The following LRRTM3 variants were observed in gnomAD, a reference collection of about 807,000 sequenced individuals.
The protein encoded by LRRTM3 is leucine-rich repeat transmembrane neuronal protein 3.
LRRTM3 carries 24 observed loss-of-function variants against 44.7 expected under a neutral mutation model. The observed-to-expected ratio is 0.54, with a 90% CI of 0.39 to 0.76. The LOEUF is 0.76. Ranked by LOEUF, LRRTM3 falls within the 30% of genes least tolerant of loss-of-function variation. The pLI is 0.00. For missense variants in LRRTM3, 587 were observed against 702.2 expected (o/e 0.84, Z 1.85); for synonymous variants, 277 against 278.7 (o/e 0.99, Z 0.06).
At chr10:66,979,108 G>A (rs1264648261) in intron 2 of LRRTM3, among the ~76,000 whole-genome samples, 1 of 151,614 alleles carries the variant, frequency 6.6e-6, no homozygotes, top group East Asian at 1.9e-4. Context: ...GGGATTACAG[G>A]CACCCACCAC....
intron 2 of LRRTM3, among the ~76,000 whole-genome samples, chr10:66,961,541 T>C (rs1212263604): frequency 6.6e-6 from 1 of 152,116 alleles, no homozygotes; most frequent in African/African-American, 2.4e-5. Flanking sequence ...CTCTTAATGT[T>C]GGGGTGTCCC....
chr10:66,945,420 C>A (rs1212195584), intron 2 of LRRTM3, among the ~76,000 whole-genome samples: 1 of 152,196 alleles, frequency 6.6e-6, no homozygotes, highest in African/African-American at 2.4e-5. Context: ...TTCCTCCCTT[C>A]TTTCAGCCTT....
At chr10:67,007,933 C>A (rs1296017849) in intron 2 of LRRTM3, among the ~76,000 whole-genome samples, 1 of 151,868 alleles carries the variant, frequency 6.6e-6, no homozygotes, top group Non-Finnish European at 1.5e-5. Flanking sequence ...AACTGAAGAT[C>A]AGTTTTGTTA....
chr10:67,043,138 T>C (rs1291816651), intron 2 of LRRTM3, among the ~76,000 whole-genome samples: 4 of 141,080 alleles, frequency 2.8e-5, no homozygotes, highest in East Asian at 2.0e-4. Flanking sequence ...TTTCTTTCTT[T>C]TTTTTTTTTT....
rs118104093 is a variant in LRRTM3, at chr10:67,057,635, C to T, written c.1537-39952C>T. On this transcript the variant is annotated intron_variant, in intron 2 of 2. Transcript: ENST00000361320. ...GACTGAGAATACTGACCCAGCAACACGAGGTTGGTTTACTTCAAGAAGCAC... is the reference window on the plus strand; with the variant it reads ...GACTGAGAATACTGACCCAGCAACATGAGGTTGGTTTACTTCAAGAAGCAC... 2.4e-4 allele frequency among the ~76,000 whole-genome samples: 37 copies of T among 152,210 alleles called. No homozygotes were observed. The East Asian group carries it at 7.0e-3, about 29-fold the overall frequency.
chr10:67,057,344 T>A (rs927050454), intron 2 of LRRTM3, among the ~76,000 whole-genome samples: 11 of 152,260 alleles, frequency 7.2e-5, no homozygotes, highest in Admixed American at 6.5e-4. Context: ...TTATTAACTA[T>A]AGTCACCATG....
At chr10:67,055,752 G>A (rs1295704165) in intron 2 of LRRTM3, among the ~76,000 whole-genome samples, 1 of 152,076 alleles carries the variant, frequency 6.6e-6, no homozygotes, top group East Asian at 1.9e-4. Flanking sequence ...GTGGGCAGAG[G>A]ATGAAAGATG....
intron 2 of LRRTM3, among the ~76,000 whole-genome samples, chr10:67,083,528 A>G (rs1050166444): frequency 5.3e-5 from 8 of 152,140 alleles, no homozygotes; most frequent in African/African-American, 1.9e-4. Context: ...ACTACATTTG[A>G]GTTATATGTG....
chr10:67,100,828 A>G lies in LRRTM3; in HGVS notation c.*3032A>G, dbSNP rs943700884. On this transcript the variant is annotated 3_prime_UTR_variant, in exon 3 of 3. Transcript: ENST00000361320. ...AGAAATTGAGCTCTTACCCCAAAAC[A>G]CAGGGCCAATAATTGGTGCAGTTGA... is the stretch of plus-strand genomic sequence containing the variant. Among the ~76,000 whole-genome samples the G allele has an allele frequency of 7.9e-5, 12 of 151,760 alleles. 1 individual carries two copies. The East Asian group carries it at 1.9e-3, about 25-fold the overall frequency.
chr10:67,070,978 G>A (rs772680028), intron 2 of LRRTM3, among the ~76,000 whole-genome samples: 1 of 152,106 alleles, frequency 6.6e-6, no homozygotes, highest in Non-Finnish European at 1.5e-5. Flanking sequence ...ATTGCAACAT[G>A]CATTCTTGAG....
chr10:67,095,004 TAA>T lies in LRRTM3; in HGVS notation c.1537-2582_1537-2581del, dbSNP rs545194470. Among the ~76,000 whole-genome samples, 737 of 151,362 alleles carry T rather than the reference TAA, an allele frequency of 4.9e-3. 3 individuals are homozygous for T. The highest frequency in any genetic ancestry group is 0.031 in the Middle Eastern group (9 of 290). On this transcript the variant is annotated intron_variant, in intron 2 of 2. Transcript: ENST00000361320. ...TTTTGAAACTATAAGTAATTGGCTT[TAA>T]GTTTATACATATATGTGTATATACA...
intron 2 of LRRTM3, among the ~76,000 whole-genome samples, chr10:67,092,759 T>TA (rs1303960326): frequency 1.4e-4 from 22 of 152,140 alleles, no homozygotes; most frequent in Middle Eastern, 6.8e-3. Flanking sequence ...GAAAGGTACA[T>TA]AGCATTGATG....
intron 2 of LRRTM3, among the ~76,000 whole-genome samples, chr10:67,023,326 A>T (rs10822962): frequency 0.31 from 46,416 of 151,914 alleles, 8,487 homozygotes; most frequent in East Asian, 0.53. Context: ...AGAATAAGAC[A>T]TTCCTCCATG....
chr10:67,046,288 T>C (rs1311532347), intron 2 of LRRTM3, among the ~76,000 whole-genome samples: 1 of 152,186 alleles, frequency 6.6e-6, no homozygotes, highest in African/African-American at 2.4e-5. Flanking sequence ...ACAATTCTTA[T>C]CTCAGGGCCA....
intron 2 of LRRTM3, among the ~76,000 whole-genome samples, chr10:67,016,026 TAC>T (rs998165293): frequency 3.3e-4 from 44 of 134,198 alleles, no homozygotes; most frequent in Non-Finnish European, 5.5e-4. Context: ...TATTGCTGTA[TAC>T]TCTCTTCTTT....
chr10:67,073,817 C>T (rs1309997261), intron 2 of LRRTM3, among the ~76,000 whole-genome samples: 1 of 152,050 alleles, frequency 6.6e-6, no homozygotes, highest in Non-Finnish European at 1.5e-5. Flanking sequence ...ACATTTTGAT[C>T]CTTTCTAAGT....
chr10:67,060,908 C>T (rs1474518576), intron 2 of LRRTM3, among the ~76,000 whole-genome samples: 1 of 152,090 alleles, frequency 6.6e-6, no homozygotes, highest in African/African-American at 2.4e-5. Flanking sequence ...GACAGTGCAG[C>T]ATAGACTAGC....
intron 2 of LRRTM3, among the ~76,000 whole-genome samples, chr10:67,058,485 C>A (rs565773456): frequency 6.6e-6 from 1 of 152,242 alleles, no homozygotes; most frequent in East Asian, 1.9e-4. Context: ...AAGTAAATTA[C>A]AGCATTTTGA....
At chr10:67,074,465 C>G (rs1182193818) in intron 2 of LRRTM3, among the ~76,000 whole-genome samples, 1 of 150,518 alleles carries the variant, frequency 6.6e-6, no homozygotes, top group Non-Finnish European at 1.5e-5. Context: ...ATTCTCCTGC[C>G]TCAGCCTCCC....
Sources: allele counts gnomAD v4.1 joint callset (sites outside exome capture counted in the v4.1 genomes callset), GRCh38; gene constraint gnomAD v4.1.1; transcripts MANE v1.5; gene names NCBI Gene and HGNC (gene_info 2026-07-23, HGNC 2026-07-21).